Variants in CREB3L2 observed in about 807,000 individuals in gnomAD.
The protein encoded by CREB3L2 is cAMP responsive element binding protein 3 like 2.
CREB3L2 carries 23 observed loss-of-function variants against 57.2 expected under a neutral mutation model. The observed-to-expected ratio is 0.40, with a 90% confidence interval of 0.29 to 0.57. The LOEUF is 0.57. Ranked by LOEUF, CREB3L2 falls within the 20% of genes least tolerant of loss-of-function variation. The pLI, the probability that CREB3L2 is intolerant of heterozygous loss-of-function variation, is 0.42. For missense variants in CREB3L2, 628 were observed against 634.7 expected (o/e 0.99, Z 0.11); for synonymous variants, 268 against 265.1 (o/e 1.01, Z -0.11).
At position 137,932,572 on chromosome 7, in the gene CREB3L2, A is replaced by G. The variant is rs148193238; in HGVS notation, c.103-4206T>C. Among the ~76,000 whole-genome samples the G allele has an allele frequency of 3.4e-3, 525 of 152,198 alleles. 2 individuals carry two copies. The highest frequency in any genetic ancestry group is 0.012 in the African/African-American group (496 of 41,516). ...ACATGGCAAGACCCCATCTCTACAA[A>G]AAATAAACAACAACAACAACAACAA... On this transcript the variant is annotated intron_variant, in intron 1 of 11. Transcript: ENST00000330387.
At chr7:137,930,512 G>T (rs945531165) in intron 1 of CREB3L2, among the ~76,000 whole-genome samples, 2 of 152,220 alleles carry the variant, frequency 1.3e-5, no homozygotes, top group African/African-American at 4.8e-5. Context: ...TAGAGCTGGC[G>T]CTCTAAGATC....
At chr7:137,981,395 A>C (rs891754033) in intron 1 of CREB3L2, among the ~76,000 whole-genome samples, 1 of 152,260 alleles carries the variant, frequency 6.6e-6, no homozygotes, top group African/African-American at 2.4e-5. Flanking sequence ...AGTTTTAAAA[A>C]GGACTGAAGT....
At position 137,877,630 on chromosome 7, in the gene CREB3L2, T is replaced by C. The variant is rs146255111; in HGVS notation, c.*2846A>G. On this transcript the variant is annotated 3_prime_UTR_variant, in exon 12 of 12. Coordinates refer to ENST00000330387, the MANE Select transcript of CREB3L2 (RefSeq NM_194071.4). The stretch of plus-strand genomic sequence containing the variant: ...TAAGAAAGGGAAATGGGAAACTTGT[T>C]TACATGATGAAAAATATAATTAAGA... 199 of 226,102 alleles carry C rather than the reference T, an allele frequency of 8.8e-4. No homozygotes were observed. Among genetic ancestry groups the C allele is most frequent in the Non-Finnish European group, 1.4e-3 (157 of 113,672 alleles). 14.0% of individuals were successfully genotyped at this position (226,102 alleles called of 1,614,324 possible).
At chr7:137,991,533 G>A (rs1007785401) in intron 1 of CREB3L2, among the ~76,000 whole-genome samples, 2 of 152,036 alleles carry the variant, frequency 1.3e-5, no homozygotes, top group East Asian at 3.9e-4. Context: ...TTGGGATTTT[G>A]AGATCATGTA....
intron 1 of CREB3L2, chr7:137,957,893 CTGTT>C (rs1416325820): frequency 1.6e-5 from 10 of 636,450 alleles, no homozygotes; most frequent in African/African-American, 9.5e-5. Flanking sequence ...GGGTGGAAGA[CTGTT>C]TGGTCCCAAG....
chr7:137,992,029 TA>T (rs891133306), intron 1 of CREB3L2, among the ~76,000 whole-genome samples: 4 of 151,332 alleles, frequency 2.6e-5, no homozygotes, highest in South Asian at 2.1e-4. Context: ...CTCAATTCTT[TA>T]AAAAAAAATC....
At chr7:137,902,250 T>C (rs994637552) in intron 7 of CREB3L2, among the ~76,000 whole-genome samples, 4 of 148,364 alleles carry the variant, frequency 2.7e-5, no homozygotes, top group Non-Finnish European at 5.9e-5. Context: ...TAATGAAAGA[T>C]GAATAGTGAC....
chr7:137,955,302 C>G (rs929371678), intron 1 of CREB3L2: 4 of 1,288,994 alleles, frequency 3.1e-6, no homozygotes, highest in Non-Finnish European at 3.0e-6. Flanking sequence ...AGCAGCAAAG[C>G]CCTGGTGGAT....
At chr7:137,914,236 G>T (rs1287776302) in intron 3 of CREB3L2, among the ~76,000 whole-genome samples, 1 of 151,740 alleles carries the variant, frequency 6.6e-6, no homozygotes, top group Non-Finnish European at 1.5e-5. Flanking sequence ...ATGACTGATG[G>T]TATCTAATCA....
chr7:137,919,536 C>A (rs759254269), intron 2 of CREB3L2, among the ~76,000 whole-genome samples: 1 of 152,082 alleles, frequency 6.6e-6, no homozygotes, highest in Non-Finnish European at 1.5e-5. Flanking sequence ...GTGGCAGAAC[C>A]CAGATCTCTG....
At chr7:137,901,889 A>AAAAAAAAAAAAG (rs1193862745) in intron 7 of CREB3L2, among the ~76,000 whole-genome samples, 10 of 148,624 alleles carry the variant, frequency 6.7e-5, no homozygotes, top group Non-Finnish European at 1.3e-4. Flanking sequence ...AAAAAAAAAA[A>AAAAAAAAAAAAG]AAAGAAAAAT....
chr7:137,876,020 G>A lies in CREB3L2; in HGVS notation c.*4456C>T, dbSNP rs139200101. On this transcript the variant is annotated 3_prime_UTR_variant, in exon 12 of 12. Coordinates refer to ENST00000330387, the MANE Select transcript of CREB3L2 (RefSeq NM_194071.4). ...GTTCCTTTGCCCTGAGAAATGTTCC[G>A]CTATGAGGATTTATAATACCTTTAA... 1.1e-4 allele frequency: 26 copies of A among 229,226 alleles called. No individual in the cohort carries two copies. The highest frequency in any genetic ancestry group is 5.1e-4 in the African/African-American group (23 of 45,194). 14.2% of individuals were successfully genotyped at this position (229,226 alleles called of 1,614,324 possible).
chr7:137,927,821 C>T (rs1431636832), intron 2 of CREB3L2, among the ~76,000 whole-genome samples: 1 of 148,256 alleles, frequency 6.7e-6, no homozygotes, highest in African/African-American at 2.5e-5. Context: ...CCCCTTGAAA[C>T]AAGAGACTTA....
At chr7:137,957,443 T>C (rs1440934167) in intron 1 of CREB3L2, among the ~76,000 whole-genome samples, 2 of 152,112 alleles carry the variant, frequency 1.3e-5, no homozygotes, top group African/African-American at 4.8e-5. Context: ...CACAACCTCA[T>C]TCCTTTCCCC....
intron 1 of CREB3L2, among the ~76,000 whole-genome samples, chr7:137,968,019 G>A (rs1015326297): frequency 6.6e-6 from 1 of 152,180 alleles, no homozygotes; most frequent in Non-Finnish European, 1.5e-5. Context: ...ACAAGACTTA[G>A]GGAGTTAAAT....
chr7:137,915,584 T>C (rs1056174365), intron 3 of CREB3L2, among the ~76,000 whole-genome samples: 1 of 152,158 alleles, frequency 6.6e-6, no homozygotes, highest in Non-Finnish European at 1.5e-5. Context: ...TTTTATTTTG[T>C]AACAGTAATC....
intron 4 of CREB3L2, among the ~76,000 whole-genome samples, chr7:137,911,275 C>A (rs1639069487): frequency 1.3e-5 from 2 of 152,126 alleles, no homozygotes; most frequent in African/African-American, 4.8e-5. Flanking sequence ...TATTATTTCA[C>A]TAAGTATTAT....
At chr7:137,913,174 G>T in intron 3 of CREB3L2, 96 bp from the exon 4 acceptor site, 2 of 1,258,510 alleles carry the variant, frequency 1.6e-6, no homozygotes, top group Non-Finnish European at 2.2e-6. Flanking sequence ...TTCCTCTCGG[G>T]ACAGCCCTGC....
chr7:137,901,873 T>C (rs1334612492), intron 7 of CREB3L2, among the ~76,000 whole-genome samples: 1 of 12,614 alleles, frequency 7.9e-5, no homozygotes, highest in Non-Finnish European at 1.4e-4. Context: ...AAGATCTGTC[T>C]CAAAAAAAAA....
Sources: allele counts gnomAD v4.1 joint callset (sites outside exome capture counted in the v4.1 genomes callset), GRCh38; gene constraint gnomAD v4.1.1; transcripts MANE v1.5; gene names NCBI Gene and HGNC (gene_info 2026-07-23, HGNC 2026-07-21).